PLXNA4: variants seen among roughly 807,000 people sequenced by gnomAD.
PLXNA4 encodes plexin A4.
Under a neutral mutation model 191.8 loss-of-function variants are expected in PLXNA4, and 44 were observed. The observed-to-expected ratio is 0.23, with a 90% confidence interval of 0.18 to 0.29. The LOEUF is 0.29. PLXNA4 is among the 10% of genes least tolerant of loss of function. The pLI is 1.00. For synonymous variants in PLXNA4, 1,082 were observed against 1,009.5 expected, an observed-to-expected ratio of 1.07 and a Z score of -1.36; for missense variants, 1,800 against 2,488.8, an observed-to-expected ratio of 0.72 and a Z score of 5.89.
chr7:132,634,777 A>C (rs1057451535), intron 2 of PLXNA4, among the ~76,000 whole-genome samples: 1 of 152,144 alleles, frequency 6.6e-6, no homozygotes, highest in Non-Finnish European at 1.5e-5. Flanking sequence ...ATGCCTTGTC[A>C]TGATGGCCTC....
intron 3 of PLXNA4, among the ~76,000 whole-genome samples, chr7:132,348,969 G>A (rs988977157): frequency 2.0e-5 from 3 of 152,086 alleles, no homozygotes; most frequent in African/African-American, 4.8e-5. Flanking sequence ...TGGGGGCAGC[G>A]TCCCAAGTCT....
intron 5 of PLXNA4, among the ~76,000 whole-genome samples, chr7:132,240,834 TC>T (rs1175434573): frequency 6.6e-6 from 1 of 152,146 alleles, no homozygotes; most frequent in Non-Finnish European, 1.5e-5. Context: ...CTGTCATGAT[TC>T]CCATGCCACC....
intron 3 of PLXNA4, among the ~76,000 whole-genome samples, chr7:132,365,364 T>TGCGTGTGCGC (rs144384812): frequency 1.4e-5 from 2 of 147,214 alleles, no homozygotes; most frequent in South Asian, 2.2e-4. Context: ...TGTGTGTGCG[T>TGCGTGTGCGC]GCGCGCGCAT....
intron 3 of PLXNA4, among the ~76,000 whole-genome samples, chr7:132,303,903 C>A (rs1372648379): frequency 6.6e-6 from 1 of 152,116 alleles, no homozygotes; most frequent in Non-Finnish European, 1.5e-5. Flanking sequence ...GAGATCTAGC[C>A]AACTGGAGTT....
chr7:132,175,636 G>A (rs1239962478), intron 20 of PLXNA4, among the ~76,000 whole-genome samples: 1 of 152,198 alleles, frequency 6.6e-6, no homozygotes, highest in Non-Finnish European at 1.5e-5. Context: ...GAACCCCCAG[G>A]AAAGTGAGCA....
At chr7:132,567,647 T>G (rs1471743418) in intron 1 of PLXNA4, among the ~76,000 whole-genome samples, 1 of 152,174 alleles carries the variant, frequency 6.6e-6, no homozygotes, top group Non-Finnish European at 1.5e-5. Flanking sequence ...TTACAGCAAA[T>G]ATTTATCAAT....
At chr7:132,501,885 T>C (rs539579403) in intron 2 of PLXNA4, among the ~76,000 whole-genome samples, 2 of 152,220 alleles carry the variant, frequency 1.3e-5, no homozygotes, top group South Asian at 4.1e-4. Context: ...GAGTGTGGCA[T>C]GGGCCATGGT....
chr7:132,516,827 G>A (rs1486286684), intron 1 of PLXNA4, among the ~76,000 whole-genome samples: 1 of 152,202 alleles, frequency 6.6e-6, no homozygotes, highest in Admixed American at 6.5e-5. Flanking sequence ...GGTGGCACAT[G>A]CCTGTAGTCC....
chr7:132,494,655 G>A (rs558495585), intron 2 of PLXNA4, among the ~76,000 whole-genome samples: 4 of 152,254 alleles, frequency 2.6e-5, no homozygotes, highest in East Asian at 1.9e-4. Flanking sequence ...AGCTTATGGC[G>A]CTTCCCTCGT....
chr7:132,354,888 G>T (rs1258450852), intron 3 of PLXNA4, among the ~76,000 whole-genome samples: 2 of 152,228 alleles, frequency 1.3e-5, no homozygotes, highest in Non-Finnish European at 1.5e-5. Flanking sequence ...AATGAGTCTA[G>T]TGGTTGTGGA....
intron 3 of PLXNA4, among the ~76,000 whole-genome samples, chr7:132,306,534 T>C (rs1801529936): frequency 6.6e-6 from 1 of 152,324 alleles, no homozygotes. Context: ...ATCATAGATA[T>C]GCAGCCTACT....
intron 30 of PLXNA4, among the ~76,000 whole-genome samples, chr7:132,139,501 T>C (rs781094447): frequency 6.6e-6 from 1 of 152,238 alleles, no homozygotes; most frequent in Non-Finnish European, 1.5e-5. Flanking sequence ...AAAGTCTAAA[T>C]GCAGGACTGC....
At chr7:132,482,557 C>G (rs1445719125) in intron 3 of PLXNA4, among the ~76,000 whole-genome samples, 1 of 152,126 alleles carries the variant, frequency 6.6e-6, no homozygotes, top group Non-Finnish European at 1.5e-5. Flanking sequence ...TCCAGAACCA[C>G]AGAAACTGTA....
rs202224005 is a variant in PLXNA4 at position 132,130,259 on chromosome 7, G to T, written c.*220C>A. On this transcript the variant is annotated 3_prime_UTR_variant, in exon 32 of 32. Coordinates refer to ENST00000321063, the MANE Select transcript of PLXNA4 (RefSeq NM_020911.2). ...CCTGGCCATTCTTGGACTAACTGAG[G>T]GTCAGTGGCTTGGTCCAATCGTGTT... 3.9e-5 allele frequency: 23 copies of T among 596,740 alleles called. 1 individual carries two copies. Among genetic ancestry groups the T allele is most frequent in the Middle Eastern group, 9.7e-4 (2 of 2,054 alleles). 37.0% of individuals were successfully genotyped at this position (596,740 alleles called of 1,614,324 possible). A position where few individuals can be genotyped will look rare whatever the true frequency, so the allele number is the denominator to read the frequency against.
chr7:132,127,023 G>GA lies in PLXNA4; in HGVS notation c.*3455dup, dbSNP rs1477890586. 1.3e-5 allele frequency: 2 copies of GA among 152,184 alleles called. No homozygotes were observed. Among genetic ancestry groups the GA allele is most frequent in the Non-Finnish European group, 2.9e-5 (2 of 68,082 alleles). 9.4% of individuals were successfully genotyped at this position (152,184 alleles called of 1,614,324 possible). A position where few individuals can be genotyped will look rare whatever the true frequency, so the allele number is the denominator to read the frequency against. ...AATGGGTAAAAGCTGCATCTGGGGG[G>GA]ACTTGTGGCCAGGAGAAATGACCAG... On this transcript the variant is annotated 3_prime_UTR_variant, in exon 32 of 32. Transcript: ENST00000321063.
chr7:132,439,210 C>T (rs1331074415), intron 3 of PLXNA4, among the ~76,000 whole-genome samples: 2 of 152,188 alleles, frequency 1.3e-5, no homozygotes, highest in African/African-American at 4.8e-5. Flanking sequence ...GAGCTTCAGA[C>T]ACGTGGCCCA....
At chr7:132,427,195 G>C (rs277471) in intron 3 of PLXNA4, among the ~76,000 whole-genome samples, 2,465 of 152,286 alleles carry the variant, frequency 0.016, 34 homozygotes, top group African/African-American at 0.039. Flanking sequence ...AAAGACCTTG[G>C]GGCCTCTTCC....
chr7:132,288,159 A>G (rs1470310690), intron 4 of PLXNA4, among the ~76,000 whole-genome samples: 4 of 152,192 alleles, frequency 2.6e-5, no homozygotes, highest in African/African-American at 9.7e-5. Flanking sequence ...GTGACTCTGG[A>G]TGACCTGCTC....
At chr7:132,155,030 A>AAGAT (rs1174798208) in intron 25 of PLXNA4, among the ~76,000 whole-genome samples, 2 of 152,248 alleles carry the variant, frequency 1.3e-5, no homozygotes, top group African/African-American at 4.8e-5. Flanking sequence ...TTTCACTCAG[A>AAGAT]AGATAGTGTA....
Sources: allele counts gnomAD v4.1 joint callset (sites outside exome capture counted in the v4.1 genomes callset), GRCh38; gene constraint gnomAD v4.1.1; transcripts MANE v1.5; gene names NCBI Gene and HGNC (gene_info 2026-07-23, HGNC 2026-07-21).